DLG2: variants seen among roughly 807,000 people sequenced by gnomAD.
DLG2 encodes the protein disks large homolog 2.
A neutral mutation model predicts 132.5 loss-of-function variants in DLG2; 45 were observed. That is an observed-to-expected ratio of 0.34 (90% CI 0.27 to 0.44). DLG2 has a LOEUF of 0.44. Among genes scored for constraint, DLG2 ranks in the 20% least tolerant of loss-of-function variants. DLG2 has a pLI of 1.00. For synonymous variants in DLG2, 424 were observed against 419.6 expected (o/e 1.01, Z -0.13); for missense variants, 1,045 against 1,196.9 (o/e 0.87, Z 1.87).
At chr11:84,305,432 C>T (rs1242500459) in intron 7 of DLG2, among the ~76,000 whole-genome samples, 2 of 152,000 alleles carry the variant, frequency 1.3e-5, no homozygotes, top group African/African-American at 4.8e-5. Context: ...TTTGATAAAA[C>T]GTCAGAGGAA....
intron 20 of DLG2, among the ~76,000 whole-genome samples, chr11:83,534,064 T>C (rs1355131264): frequency 6.6e-6 from 1 of 152,198 alleles, no homozygotes; most frequent in Admixed American, 6.5e-5. Flanking sequence ...TCCCGCCTGT[T>C]TGAAGGCCAG....
chr11:84,864,561 C>T (rs2084261706), intron 6 of DLG2, among the ~76,000 whole-genome samples: 1 of 152,130 alleles, frequency 6.6e-6, no homozygotes, highest in African/African-American at 2.4e-5. Context: ...CCACTGTATT[C>T]TTTATAAGCT....
At chr11:85,254,900 G>A (rs982268452) in intron 4 of DLG2, among the ~76,000 whole-genome samples, 5 of 151,730 alleles carry the variant, frequency 3.3e-5, no homozygotes, top group Non-Finnish European at 5.9e-5. Flanking sequence ...TCAGGAGGCT[G>A]AGGCAGTAGA....
chr11:85,197,734 T>A (rs547911557), intron 4 of DLG2, among the ~76,000 whole-genome samples: 4 of 152,190 alleles, frequency 2.6e-5, no homozygotes, highest in African/African-American at 9.6e-5. Flanking sequence ...ACCTAAGCAC[T>A]GAACCAACTA....
chr11:83,863,597 T>C (rs367884153), intron 16 of DLG2, among the ~76,000 whole-genome samples: 28 of 152,020 alleles, frequency 1.8e-4, no homozygotes, highest in Admixed American at 1.8e-3. Context: ...AGGGAACAAA[T>C]CCCTACTTGT....
intron 8 of DLG2, chr11:84,167,039 A>C: frequency 3.8e-6 from 2 of 531,992 alleles, no homozygotes; most frequent in South Asian, 2.8e-5. Flanking sequence ...TCTGGCCCTA[A>C]CTGTCACAGC....
chr11:84,273,318 A>C (rs1567145454), intron 7 of DLG2: 12 of 1,404,738 alleles, frequency 8.5e-6, no homozygotes, highest in South Asian at 1.6e-5. Flanking sequence ...AAAAAAAAAA[A>C]AAAAAAAAAA....
At chr11:85,132,794 C>G in intron 5 of DLG2, 1 of 456,694 alleles carries the variant, frequency 2.2e-6, no homozygotes, top group Non-Finnish European at 4.4e-6. Context: ...CACAGGCAAT[C>G]CATCCTGGAT....
chr11:84,617,066 T>C (rs938764036), intron 6 of DLG2, among the ~76,000 whole-genome samples: 1 of 151,688 alleles, frequency 6.6e-6, no homozygotes. Flanking sequence ...ACACGTGCCA[T>C]GGTGGTTTGA....
intron 16 of DLG2, among the ~76,000 whole-genome samples, chr11:83,865,854 T>G (rs1186461130): frequency 6.6e-6 from 1 of 152,062 alleles, no homozygotes; most frequent in African/African-American, 2.4e-5. Flanking sequence ...TATTATAAAT[T>G]TCTAAATGGA....
At chr11:83,806,339 C>T (rs535766163) in intron 17 of DLG2, among the ~76,000 whole-genome samples, 1 of 152,154 alleles carries the variant, frequency 6.6e-6, no homozygotes, top group Non-Finnish European at 1.5e-5. Flanking sequence ...TCTATCTTAA[C>T]CTTCAGGTAA....
At chr11:84,209,419 G>A (rs959572382) in intron 8 of DLG2, among the ~76,000 whole-genome samples, 1 of 152,112 alleles carries the variant, frequency 6.6e-6, no homozygotes, top group African/African-American at 2.4e-5. Flanking sequence ...GAAAGTATAC[G>A]TTAATAGGAA....
intron 7 of DLG2, among the ~76,000 whole-genome samples, chr11:84,252,149 T>C (rs968654512): frequency 2.3e-5 from 3 of 129,148 alleles, no homozygotes; most frequent in Non-Finnish European, 5.0e-5. Flanking sequence ...TCTTTTTTTT[T>C]TTTTTTTTTT....
intron 7 of DLG2, among the ~76,000 whole-genome samples, chr11:84,391,737 C>T (rs7932078): frequency 0.052 from 7,913 of 151,562 alleles, 693 homozygotes; most frequent in African/African-American, 0.18. Flanking sequence ...TATTTTCCCT[C>T]GAATTGTTTC....
intron 6 of DLG2, among the ~76,000 whole-genome samples, chr11:84,838,456 A>G (rs1166884996): frequency 6.6e-6 from 1 of 151,764 alleles, no homozygotes; most frequent in African/African-American, 2.4e-5. Context: ...AAAATCACTG[A>G]AGTATTGGTG....
intron 7 of DLG2, among the ~76,000 whole-genome samples, chr11:84,271,949 C>CAAAAAAA (rs71036417): frequency 3.3e-4 from 26 of 77,764 alleles, no homozygotes; most frequent in Non-Finnish European, 4.2e-4. Context: ...TTGATAATAA[C>CAAAAAAA]AAAAAAAAAA....
At chr11:83,731,943 C>A (rs2091088658) in intron 18 of DLG2, among the ~76,000 whole-genome samples, 1 of 152,176 alleles carries the variant, frequency 6.6e-6, no homozygotes, top group Non-Finnish European at 1.5e-5. Context: ...ATTTGCCACA[C>A]AATAGTCATT....
rs939834008 is a variant in DLG2, at chr11:85,619,490, T to G, written c.-93+7097A>C. ...ATTCAGTGCTTAATTCTTTTGAGTT[T>G]TATGGCTGTGAAGAGATTAAAAAAA... On this transcript the variant is annotated intron_variant, in intron 2 of 27. Transcript: ENST00000376104. Among the ~76,000 whole-genome samples, 76 of 152,172 alleles carry G rather than the reference T, an allele frequency of 5.0e-4. 2 individuals are homozygous for G. The highest frequency in any genetic ancestry group is 1.5e-3 in the Admixed American group (23 of 15,280).
chr11:84,906,977 AGCCAAAAG>A lies in DLG2; in HGVS notation c.357+204676_357+204683del, dbSNP rs2091587691. ...CCATTTCTAAATCCCACCTTGAGAA[AGCCAAAAG>A]GCCAAAAGGAGTATATTCTTAACAC... On this transcript the variant is annotated intron_variant, in intron 6 of 27. Transcript: ENST00000376104. 2.0e-5 allele frequency among the ~76,000 whole-genome samples: 3 copies of A among 152,246 alleles called. No homozygotes were observed. In the South Asian group the frequency reaches 6.2e-4, roughly 32 times the overall value.
Sources: gnomAD v4.1 joint callset for allele counts (sites outside exome capture counted in the v4.1 genomes callset) on GRCh38, gnomAD v4.1.1 for gene constraint, MANE v1.5 for transcripts, NCBI Gene and HGNC (gene_info 2026-07-23, HGNC 2026-07-21) for gene names.